The following BIRC6 variants were observed in gnomAD, a reference collection of about 807,000 sequenced individuals.
BIRC6 encodes baculoviral IAP repeat containing 6.
In BIRC6, 98 loss-of-function variants were observed where a neutral mutation model predicts 503.3. That is an observed-to-expected ratio of 0.19 (90% CI 0.17 to 0.23). The LOEUF (loss-of-function observed/expected upper bound fraction) is 0.23. BIRC6 is among the 10% of genes least tolerant of loss of function. The pLI is 1.00. For missense variants in BIRC6, 5,360 were observed against 5,806.0 expected (o/e 0.92, Z 2.50); for synonymous variants, 2,240 against 2,078.7 (o/e 1.08, Z -2.11).
chr2:32,593,578 G>A (rs2061507453), intron 66 of BIRC6, among the ~76,000 whole-genome samples: 1 of 151,868 alleles, frequency 6.6e-6, no homozygotes, highest in Admixed American at 6.6e-5. Flanking sequence ...AACTGCTTGT[G>A]GTCCTTTAAT....
chr2:32,487,864 C>A, intron 41 of BIRC6, 63 bp downstream of exon 41: 1 of 1,395,574 alleles, frequency 7.2e-7, no homozygotes, highest in Non-Finnish European at 1.0e-6. Flanking sequence ...AAAGATGAAA[C>A]TAATTGGGAA....
At chr2:32,402,866 G>A (rs776417866) in intron 8 of BIRC6, among the ~76,000 whole-genome samples, 2 of 152,110 alleles carry the variant, frequency 1.3e-5, no homozygotes, top group Non-Finnish European at 2.9e-5. Flanking sequence ...ATTAAAAATG[G>A]AATCAAAATA....
chr2:32,391,220 T>G (rs946440647), intron 4 of BIRC6, among the ~76,000 whole-genome samples: 1 of 151,156 alleles, frequency 6.6e-6, no homozygotes, highest in Non-Finnish European at 1.5e-5. Flanking sequence ...ATATTCAGTA[T>G]TTTTAGAGGT....
chr2:32,536,718 A>T (rs2057269161), intron 61 of BIRC6, among the ~76,000 whole-genome samples: 1 of 152,102 alleles, frequency 6.6e-6, no homozygotes, highest in African/African-American at 2.4e-5. Context: ...GCCTTGTAGT[A>T]TAGTTTGAAG....
intron 22 of BIRC6, among the ~76,000 whole-genome samples, chr2:32,452,458 G>A (rs1012821706): frequency 1.3e-5 from 2 of 151,818 alleles, no homozygotes; most frequent in African/African-American, 4.8e-5. Flanking sequence ...AGCTCTTCAG[G>A]GTGCTTAATA....
At chr2:32,370,547 G>C (rs1024460070) in intron 1 of BIRC6, among the ~76,000 whole-genome samples, 12 of 152,100 alleles carry the variant, frequency 7.9e-5, no homozygotes, top group African/African-American at 2.9e-4. Context: ...TTGTTTTGCA[G>C]TGAGTTCTGC....
chr2:32,392,834 G>A (rs564635341), intron 5 of BIRC6, among the ~76,000 whole-genome samples: 49 of 151,732 alleles, frequency 3.2e-4, no homozygotes, highest in African/African-American at 1.1e-3. Context: ...GTAGACACAG[G>A]GTTTCTGGTG....
chr2:32,441,231 C>A, intron 16 of BIRC6, 98 bp from the exon 17 acceptor site: 1 of 886,900 alleles, frequency 1.1e-6, no homozygotes, highest in Non-Finnish European at 1.7e-6. Flanking sequence ...ATTTTGATGG[C>A]CACAATTCAG....
chr2:32,489,631 G>A (rs1280047037), intron 42 of BIRC6, among the ~76,000 whole-genome samples: 5 of 152,010 alleles, frequency 3.3e-5, no homozygotes. Context: ...GGCCAACATG[G>A]TGAAAAAAAT....
chr2:32,575,240 C>G lies in BIRC6; in HGVS notation c.13229C>G (p.Pro4410Arg). ...ATTGCTTCTTGTGCTGCCATGGTGCCCCTATTGTTGCCCCTTTCTACAGAG... is the reference window on the plus strand; with the variant it reads ...ATTGCTTCTTGTGCTGCCATGGTGCGCCTATTGTTGCCCCTTTCTACAGAG... ...RAIASCAAMV[P>R]LLLPLSTENG... Residue 4410 changes from proline (P) to arginine (R), a missense_variant, in exon 66 of 74, where the codon CCC becomes CGC. Physicochemically the swap from Pro to Arg is moderately radical, Grantham distance 103 (BLOSUM62 -2). Around this residue, in one of 16 missense-constraint regions of BIRC6, gnomAD observed 477 missense variants for 574.4 expected, o/e 0.83. Coordinates refer to ENST00000421745, the MANE Select transcript of BIRC6 (RefSeq NM_016252.4). 6.2e-7 allele frequency: 1 copy of G among 1,613,940 alleles called. No individual in the cohort carries two copies. Among genetic ancestry groups the G allele is most frequent in the Non-Finnish European group, 8.5e-7 (1 of 1,179,884 alleles).
Position 32,617,970 on chromosome 2 carries a change from G to GTATGTAAGAAACTA in BIRC6, c.*67_*80dup. The GTATGTAAGAAACTA allele has an allele frequency of 6.9e-7, 1 of 1,457,806 alleles. No homozygotes were observed. Among genetic ancestry groups the GTATGTAAGAAACTA allele is most frequent in the East Asian group, 2.4e-5 (1 of 42,152 alleles). 90.3% of individuals were successfully genotyped at this position (1,457,806 alleles called of 1,614,324 possible). A position where few individuals can be genotyped will look rare whatever the true frequency, so the allele number is the denominator to read the frequency against. ...GCACAAGCCAAATATGTCAATATTT[G>GTATGTAAGAAACTA]TATGTAAGAAACTAATTATGTAATA... is the stretch of plus-strand genomic sequence containing the variant. On this transcript the variant is annotated 3_prime_UTR_variant, in exon 74 of 74. Coordinates refer to ENST00000421745, the MANE Select transcript of BIRC6 (RefSeq NM_016252.4).
At chr2:32,488,512 AT>A in intron 41 of BIRC6, 75 bp from the exon 42 acceptor site, 4 of 1,260,580 alleles carry the variant, frequency 3.2e-6, no homozygotes, top group Non-Finnish European at 4.3e-6. Context: ...GAATTTAAAC[AT>A]AAGATTTTTG....
At chr2:32,590,862 G>A (rs1573233626) in intron 66 of BIRC6, 2 of 985,784 alleles carry the variant, frequency 2.0e-6, no homozygotes, top group African/African-American at 1.7e-5. Context: ...CCATGGTAGC[G>A]GCCGTCGCTG....
chr2:32,617,189 CAA>C (rs2063301067), intron 73 of BIRC6, among the ~76,000 whole-genome samples: 1 of 152,168 alleles, frequency 6.6e-6, no homozygotes, highest in Non-Finnish European at 1.5e-5. Flanking sequence ...GGATGACAGT[CAA>C]GAGATCAAGA....
Position 32,388,869 on chromosome 2 carries a change from G to A in BIRC6, c.765G>A (p.Val255=). Residue 255 remains valine, a synonymous_variant, in exon 4 of 74, where the codon GTG becomes GTA. Transcript: ENST00000421745. ...NVAALPVASS[V]MDRLSYLLPS... Reference sequence around the variant, plus strand: ...CTGCCTTACCTGTGGCGTCCTCAGTGATGGACAGATTGTCTTACCTCTTAC... The same window carrying A: ...CTGCCTTACCTGTGGCGTCCTCAGTAATGGACAGATTGTCTTACCTCTTAC... The A allele has an allele frequency of 6.2e-7, 1 of 1,612,946 alleles. No homozygotes were observed. Among genetic ancestry groups the A allele is most frequent in the Non-Finnish European group, 8.5e-7 (1 of 1,179,620 alleles).
At chr2:32,422,996 G>A (rs1204717324) in intron 10 of BIRC6, among the ~76,000 whole-genome samples, 1 of 152,116 alleles carries the variant, frequency 6.6e-6, no homozygotes. Context: ...GAGTGCAGTG[G>A]TGCCGATCTC....
chr2:32,586,261 A>C (rs1053232257), intron 66 of BIRC6, among the ~76,000 whole-genome samples: 1 of 150,922 alleles, frequency 6.6e-6, no homozygotes, highest in Non-Finnish European at 1.5e-5. Flanking sequence ...AAAAAAAAAA[A>C]CAACTTAAAA....
rs150251309 is a variant in BIRC6 at position 32,388,786 on chromosome 2, T to C, written c.682T>C (p.Leu228=). The C allele has an allele frequency of 1.5e-4, 239 of 1,610,454 alleles. 1 individual carries two copies. The Middle Eastern group carries it at 3.5e-3, about 23-fold the overall frequency. The change falls in exon 4 of 74, where the codon TTG becomes CTG. Residue 228 remains leucine (L), a synonymous_variant. Coordinates refer to ENST00000421745, the MANE Select transcript of BIRC6 (RefSeq NM_016252.4). ...TVTFHLPHHV[L]KSIASAIVNE... ...TACATTTCATCTTCCTCATCATGTG[T>C]TGAAGTCCATTGCCAGTGCCATTGT...
chr2:32,361,914 C>T (rs895322467), intron 1 of BIRC6, among the ~76,000 whole-genome samples: 30 of 152,166 alleles, frequency 2.0e-4, no homozygotes, highest in Non-Finnish European at 8.8e-5. Flanking sequence ...CTGGATGTAG[C>T]ACAGTTTATC....
Sources: allele counts gnomAD v4.1 joint callset (sites outside exome capture counted in the v4.1 genomes callset), GRCh38; gene constraint gnomAD v4.1.1; regional missense constraint gnomAD v4.1.1; transcripts MANE v1.5; gene names NCBI Gene and HGNC (gene_info 2026-07-23, HGNC 2026-07-21).